The following KCNIP4 variants were observed in gnomAD, a reference collection of about 807,000 sequenced individuals.
KCNIP4 encodes the protein potassium voltage-gated channel interacting protein 4.
In KCNIP4, 12 loss-of-function variants were observed where a neutral mutation model predicts 34.0. The observed-to-expected ratio is 0.35, with a 90% CI of 0.23 to 0.57. KCNIP4 has a LOEUF of 0.57. KCNIP4 is among the 20% of genes least tolerant of loss of function. The probability of loss-of-function intolerance (pLI) is 0.83; values close to 1 mark genes in which losing one functional copy is unlikely to be tolerated. For missense variants in KCNIP4, 238 were observed against 311.7 expected, an observed-to-expected ratio of 0.76 and a Z score of 1.78; for synonymous variants, 124 against 102.2, an observed-to-expected ratio of 1.21 and a Z score of -1.29.
chr4:21,011,951 T>C (rs1400919622), intron 1 of KCNIP4, among the ~76,000 whole-genome samples: 1 of 152,248 alleles, frequency 6.6e-6, no homozygotes, highest in Non-Finnish European at 1.5e-5. Context: ...TGGATTATAA[T>C]GAAAGAAGCT....
At chr4:21,127,414 T>C (rs1750716299) in intron 1 of KCNIP4, among the ~76,000 whole-genome samples, 1 of 152,198 alleles carries the variant, frequency 6.6e-6, no homozygotes, top group South Asian at 2.1e-4. Context: ...ATTCAACCTG[T>C]CTCTCATGAC....
At chr4:21,025,543 GTTTTTTTTTTTTTTTTT>G (rs772689134) in intron 1 of KCNIP4, among the ~76,000 whole-genome samples, 1 of 34,786 alleles carries the variant, frequency 2.9e-5, no homozygotes, top group East Asian at 1.5e-3. Context: ...CATTGATACT[GTTTTTTTTTTTTTTTTT>G]TTTTTTTTTT....
chr4:21,682,442 C>T (rs1170226255), intron 1 of KCNIP4, among the ~76,000 whole-genome samples: 4 of 152,088 alleles, frequency 2.6e-5, no homozygotes, highest in African/African-American at 9.7e-5. Context: ...TGATCTTTTA[C>T]CCGGACCACT....
intron 1 of KCNIP4, among the ~76,000 whole-genome samples, chr4:21,859,260 G>A (rs185042250): frequency 2.0e-5 from 3 of 152,242 alleles, no homozygotes; most frequent in Admixed American, 2.0e-4. Flanking sequence ...ATGGTCGAGA[G>A]AGACAGACAC....
At chr4:20,929,010 G>T (rs963929531) in intron 1 of KCNIP4, among the ~76,000 whole-genome samples, 1 of 151,868 alleles carries the variant, frequency 6.6e-6, no homozygotes, top group African/African-American at 2.4e-5. Context: ...AATAGAGATA[G>T]AAGAAATACC....
intron 1 of KCNIP4, among the ~76,000 whole-genome samples, chr4:21,936,580 G>A (rs1342702407): frequency 6.6e-6 from 1 of 151,998 alleles, no homozygotes; most frequent in African/African-American, 2.4e-5. Flanking sequence ...AATGAAGTGA[G>A]GAAGAAAAGC....
intron 1 of KCNIP4, among the ~76,000 whole-genome samples, chr4:20,955,462 G>A (rs188565012): frequency 1.3e-5 from 2 of 152,256 alleles, no homozygotes; most frequent in Admixed American, 6.5e-5. Flanking sequence ...CTGCCCTTGT[G>A]TGGTTCCCTC....
chr4:21,336,134 A>G (rs367905533), intron 1 of KCNIP4, among the ~76,000 whole-genome samples: 4 of 152,298 alleles, frequency 2.6e-5, no homozygotes, highest in African/African-American at 7.2e-5. Flanking sequence ...TTCACTCAAT[A>G]TCATGTTTGG....
intron 1 of KCNIP4, among the ~76,000 whole-genome samples, chr4:21,579,665 A>G (rs1741053606): frequency 6.6e-6 from 1 of 151,914 alleles, no homozygotes. Context: ...AAACCCTTGT[A>G]CTCTACTGAG....
At chr4:21,529,006 C>A (rs553380795) in intron 1 of KCNIP4, among the ~76,000 whole-genome samples, 1 of 152,008 alleles carries the variant, frequency 6.6e-6, no homozygotes, top group Non-Finnish European at 1.5e-5. Flanking sequence ...TTTTGCTGTC[C>A]TTTTACAGGT....
Position 21,148,799 on chromosome 4 carries a change from A to C in KCNIP4, c.62-266090T>G, listed in dbSNP as rs114813056. The stretch of plus-strand genomic sequence containing the variant: ...AAGGACAGCACAATTCAATTTGCCA[A>C]ATCATTTTATTTATCTCTGAGTGGC... On this transcript the variant is annotated intron_variant, in intron 1 of 8. Coordinates refer to ENST00000382152, the MANE Select transcript of KCNIP4 (RefSeq NM_025221.6). Among the ~76,000 whole-genome samples, 274 of 152,270 alleles carry C rather than the reference A, an allele frequency of 1.8e-3. 2 individuals are homozygous for C. Among genetic ancestry groups the C allele is most frequent in the African/African-American group, 6.1e-3 (255 of 41,570 alleles).
At chr4:21,932,887 C>A (rs1390029973) in intron 1 of KCNIP4, among the ~76,000 whole-genome samples, 1 of 150,220 alleles carries the variant, frequency 6.7e-6, no homozygotes, top group Non-Finnish European at 1.5e-5. Flanking sequence ...ATGAAAAAAT[C>A]TATCAAAATG....
intron 1 of KCNIP4, among the ~76,000 whole-genome samples, chr4:21,832,538 A>T (rs928237552): frequency 6.6e-6 from 1 of 151,936 alleles, no homozygotes; most frequent in African/African-American, 2.4e-5. Context: ...TCTCAATCCA[A>T]AACAATTCCA....
rs1723709227 is a variant in KCNIP4, at chr4:21,841,909, C to T, written c.61+106662G>A. On this transcript the variant is annotated intron_variant, in intron 1 of 8. Coordinates refer to ENST00000382152, the MANE Select transcript of KCNIP4 (RefSeq NM_025221.6). ...CACTTCAGGCTCTCAAACAAAGTTGCTTCTTTTGTGCAGCAGCAGATTAAA... is the reference window on the plus strand; with the variant it reads ...CACTTCAGGCTCTCAAACAAAGTTGTTTCTTTTGTGCAGCAGCAGATTAAA... Among the ~76,000 whole-genome samples, 4 of 152,204 alleles carry T rather than the reference C, an allele frequency of 2.6e-5. 1 individual carries two copies. The highest frequency in any genetic ancestry group is 4.2e-4 in the South Asian group (2 of 4,818).
chr4:21,463,413 T>C (rs1361920637), intron 1 of KCNIP4, among the ~76,000 whole-genome samples: 1 of 152,026 alleles, frequency 6.6e-6, no homozygotes, highest in African/African-American at 2.4e-5. Context: ...CTCTCCAACT[T>C]CATACCTCAT....
intron 1 of KCNIP4, among the ~76,000 whole-genome samples, chr4:21,916,912 A>G (rs1169646911): frequency 6.6e-6 from 1 of 152,112 alleles, no homozygotes; most frequent in East Asian, 1.9e-4. Flanking sequence ...TCTCTTTCTT[A>G]CATCCTAAAT....
At chr4:20,905,507 TTC>T (rs1299218243) in intron 1 of KCNIP4, among the ~76,000 whole-genome samples, 1 of 80,664 alleles carries the variant, frequency 1.2e-5, no homozygotes, top group African/African-American at 4.1e-5. Context: ...AACGTTTTCT[TTC>T]TTTTTTTTTT....
At chr4:21,378,634 C>G (rs539634060) in intron 1 of KCNIP4, among the ~76,000 whole-genome samples, 1 of 152,246 alleles carries the variant, frequency 6.6e-6, no homozygotes, top group East Asian at 1.9e-4. Flanking sequence ...AACTTTCTAC[C>G]TTTTCCCTTC....
intron 1 of KCNIP4, among the ~76,000 whole-genome samples, chr4:21,378,850 A>C (rs1034460163): frequency 6.6e-6 from 1 of 152,182 alleles, no homozygotes; most frequent in African/African-American, 2.4e-5. Context: ...ACCTTTATAC[A>C]TACTACGTAG....
Sources: gnomAD v4.1 joint callset for allele counts (sites outside exome capture counted in the v4.1 genomes callset) on GRCh38, gnomAD v4.1.1 for gene constraint, MANE v1.5 for transcripts, NCBI Gene and HGNC (gene_info 2026-07-23, HGNC 2026-07-21) for gene names.